TENM3: variants seen among roughly 807,000 people sequenced by gnomAD.
TENM3 encodes teneurin-3.
A neutral mutation model predicts 255.1 loss-of-function variants in TENM3; 63 were observed. The observed-to-expected ratio is 0.25, with a 90% confidence interval of 0.20 to 0.30. The LOEUF (loss-of-function observed/expected upper bound fraction) is 0.30, where lower values mean the gene tolerates loss of function less well. TENM3 is among the 10% of genes least tolerant of loss of function. The pLI, the probability that TENM3 is intolerant of heterozygous loss-of-function variation, is 1.00. For missense variants in TENM3, 2,929 were observed against 3,461.1 expected, an observed-to-expected ratio of 0.85 and a Z score of 3.86; for synonymous variants, 1,306 against 1,322.3, an observed-to-expected ratio of 0.99 and a Z score of 0.27.
At chr4:182,244,632 G>A (rs1757527882) in intron 1 of TENM3, among the ~76,000 whole-genome samples, 1 of 152,152 alleles carries the variant, frequency 6.6e-6, no homozygotes. Flanking sequence ...GGGTCTCCTG[G>A]AATCCTCAGT....
the TENM3 span, among the ~76,000 whole-genome samples, chr4:181,777,194 A>T: frequency 1.0e-3 from 158 of 152,024 alleles, no homozygotes; most frequent in Middle Eastern, 0.024. Flanking sequence ...TCATTTCCCC[A>T]TGTATGCCGA....
the TENM3 span, among the ~76,000 whole-genome samples, chr4:181,913,682 C>T: frequency 6.6e-6 from 1 of 152,034 alleles, no homozygotes; most frequent in Non-Finnish European, 1.5e-5. Flanking sequence ...GGGTTGTTTA[C>T]TGAAACTAGG....
the TENM3 span, among the ~76,000 whole-genome samples, chr4:181,869,768 T>C: frequency 6.6e-6 from 1 of 152,142 alleles, no homozygotes; most frequent in Non-Finnish European, 1.5e-5. Context: ...CACTGCCTAA[T>C]GGGATTTGTG....
intron 3 of TENM3, among the ~76,000 whole-genome samples, chr4:182,426,706 G>A (rs1023266773): frequency 6.6e-6 from 1 of 151,992 alleles, no homozygotes; most frequent in Middle Eastern, 3.2e-3. Flanking sequence ...AGCTAATACT[G>A]TATAAAAACC....
chr4:181,572,227 A>G, the TENM3 span, among the ~76,000 whole-genome samples: 9 of 152,202 alleles, frequency 5.9e-5, no homozygotes, highest in Admixed American at 5.9e-4. Flanking sequence ...AAAGTACTGA[A>G]CAAATGGGCT....
At chr4:182,791,085 A>G (rs761907790) in intron 25 of TENM3, among the ~76,000 whole-genome samples, 5 of 152,226 alleles carry the variant, frequency 3.3e-5, no homozygotes, top group Non-Finnish European at 5.9e-5. Context: ...ACCATCAAAT[A>G]TGACTTCAGA....
the TENM3 span, among the ~76,000 whole-genome samples, chr4:181,578,827 C>G: frequency 6.6e-6 from 1 of 152,150 alleles, no homozygotes; most frequent in African/African-American, 2.4e-5. Flanking sequence ...CATTATGCCT[C>G]ATTTTACCGT....
At chr4:182,530,263 C>T (rs887268648) in intron 3 of TENM3, among the ~76,000 whole-genome samples, 3 of 152,144 alleles carry the variant, frequency 2.0e-5, no homozygotes, top group Admixed American at 6.5e-5. Flanking sequence ...ATTTTATGCA[C>T]GCCACACATT....
At chr4:181,635,597 G>A in the TENM3 span, among the ~76,000 whole-genome samples, 2 of 152,184 alleles carry the variant, frequency 1.3e-5, no homozygotes, top group Non-Finnish European at 2.9e-5. Context: ...TTGTCAAGCT[G>A]GGCTCAGAGA....
intron 3 of TENM3, among the ~76,000 whole-genome samples, chr4:182,414,267 G>C (rs1379257485): frequency 6.6e-6 from 1 of 152,000 alleles, no homozygotes; most frequent in Non-Finnish European, 1.5e-5. Flanking sequence ...AATCATACCA[G>C]ACCAAACCAG....
chr4:181,644,306 G>A, the TENM3 span, among the ~76,000 whole-genome samples: 1 of 151,990 alleles, frequency 6.6e-6, no homozygotes, highest in Admixed American at 6.6e-5. Context: ...CAGGTCATGA[G>A]GAGGGAGGCG....
intron 1 of TENM3, among the ~76,000 whole-genome samples, chr4:182,256,560 C>T (rs934223542): frequency 7.2e-5 from 11 of 152,196 alleles, no homozygotes; most frequent in African/African-American, 2.2e-4. Flanking sequence ...GTATATAGTC[C>T]GTGAAGAATC....
chr4:182,210,892 A>G (rs1754987287), intron 1 of TENM3, among the ~76,000 whole-genome samples: 1 of 152,120 alleles, frequency 6.6e-6, no homozygotes, highest in South Asian at 2.1e-4. Context: ...TGACCCTACA[A>G]GGAAGGTCAC....
intron 3 of TENM3, among the ~76,000 whole-genome samples, chr4:182,382,530 T>G (rs1370556481): frequency 6.6e-6 from 1 of 152,188 alleles, no homozygotes; most frequent in Non-Finnish European, 1.5e-5. Flanking sequence ...ATGGGCTAAA[T>G]AGCCTTTGCC....
the TENM3 span, among the ~76,000 whole-genome samples, chr4:181,683,514 G>C: frequency 6.6e-6 from 1 of 152,196 alleles, no homozygotes; most frequent in African/African-American, 2.4e-5. Context: ...AGTCTAGTGG[G>C]GGGGCCAAGA....
chr4:181,612,383 A>T, the TENM3 span, among the ~76,000 whole-genome samples: 1 of 152,154 alleles, frequency 6.6e-6, no homozygotes, highest in South Asian at 2.1e-4. Context: ...GTTTCAGCCC[A>T]GGGGGGAAAT....
At chr4:182,011,641 G>A in the TENM3 span, among the ~76,000 whole-genome samples, 1 of 152,320 alleles carries the variant, frequency 6.6e-6, no homozygotes, top group African/African-American at 2.4e-5. Context: ...TTCATTTCAA[G>A]CTAATTTTCC....
rs2149607873 is a variant in TENM3 at position 182,157,804 on chromosome 4, A to C, written c.-76+13050A>C. Among the ~76,000 whole-genome samples, 4 of 152,358 alleles carry C rather than the reference A, an allele frequency of 2.6e-5. No individual in the cohort carries two copies. The Middle Eastern group carries it at 0.014, about 518-fold the overall frequency. ...CCAGGAGAGGGAAACACAATGGACA[A>C]CTGAGGCATCAACGGTAGCAAGCCC... On this transcript the variant is annotated intron_variant, in intron 1 of 2. Transcript: ENST00000512480.
At chr4:182,596,192 C>A (rs917745491) in intron 3 of TENM3, among the ~76,000 whole-genome samples, 2 of 152,170 alleles carry the variant, frequency 1.3e-5, no homozygotes, top group African/African-American at 4.8e-5. Flanking sequence ...TGGGGAAATA[C>A]AACATATTTG....
Sources: allele counts gnomAD v4.1 joint callset (sites outside exome capture counted in the v4.1 genomes callset), GRCh38; gene constraint gnomAD v4.1.1; transcripts MANE v1.5; gene names NCBI Gene and HGNC (gene_info 2026-07-23, HGNC 2026-07-21).